The following ADGRL4 variants were observed in gnomAD, a reference collection of about 807,000 sequenced individuals.
ADGRL4 encodes adhesion G protein-coupled receptor L4.
ADGRL4 carries 90 observed loss-of-function variants against 74.8 expected under a neutral mutation model. That is an observed-to-expected ratio of 1.20 (90% CI 1.02 to 1.43). ADGRL4 has a LOEUF of 1.43. ADGRL4 is among the 40% of genes most tolerant of loss of function. ADGRL4 has a pLI of 0.00. For missense variants in ADGRL4, 881 were observed against 814.3 expected, an observed-to-expected ratio of 1.08 and a Z score of -1.00; for synonymous variants, 311 against 279.2, an observed-to-expected ratio of 1.11 and a Z score of -1.14.
At chr1:78,926,056 A>G (rs1470073310) in intron 8 of ADGRL4, among the ~76,000 whole-genome samples, 1 of 151,910 alleles carries the variant, frequency 6.6e-6, no homozygotes, top group Non-Finnish European at 1.5e-5. Context: ...GTTTCTCTCT[A>G]CCTTCAATGT....
intron 2 of ADGRL4, among the ~76,000 whole-genome samples, chr1:78,968,285 T>C (rs1226929651): frequency 2.0e-5 from 3 of 151,908 alleles, no homozygotes; most frequent in East Asian, 3.9e-4. Context: ...GTTATAGAAA[T>C]AGAAACAAAC....
chr1:78,898,783 TA>T (rs1367838623), intron 12 of ADGRL4, among the ~76,000 whole-genome samples: 3 of 152,192 alleles, frequency 2.0e-5, no homozygotes, highest in Admixed American at 2.0e-4. Context: ...ACCTGTTTCT[TA>T]AATTCAGATA....
chr1:78,927,885 T>C (rs1402390439), intron 7 of ADGRL4, among the ~76,000 whole-genome samples: 1 of 152,170 alleles, frequency 6.6e-6, no homozygotes, highest in African/African-American at 2.4e-5. Context: ...TCAAGAGACA[T>C]TGTTAAGAGC....
chr1:78,973,815 T>C (rs1026508353), intron 2 of ADGRL4, among the ~76,000 whole-genome samples: 1 of 152,030 alleles, frequency 6.6e-6, no homozygotes, highest in Admixed American at 6.6e-5. Flanking sequence ...TCTTTTCTTA[T>C]ATACTCTTGT....
chr1:78,937,847 G>A lies in ADGRL4; in HGVS notation c.720C>T (p.Phe240=). ...TTGTATCAAACTCTGTGGTCTTTTG[G>A]AAGCTCTGGGATATCCTTAAAGTAG... ...EQATLRISQS[F]QKTTEFDTNS... Residue 240 remains phenylalanine, a synonymous_variant, in exon 6 of 15, where the codon TTC becomes TTT. Coordinates refer to ENST00000370742, the MANE Select transcript of ADGRL4 (RefSeq NM_022159.4). 6.2e-7 allele frequency: 1 copy of A among 1,613,194 alleles called. No individual in the cohort carries two copies. Among genetic ancestry groups the A allele is most frequent in the Non-Finnish European group, 8.5e-7 (1 of 1,179,748 alleles).
At chr1:78,997,720 A>G (rs993183919) in intron 2 of ADGRL4, among the ~76,000 whole-genome samples, 7 of 152,092 alleles carry the variant, frequency 4.6e-5, no homozygotes, top group African/African-American at 1.7e-4. Flanking sequence ...CTTTTCCTCA[A>G]TGACTGGACT....
intron 7 of ADGRL4, among the ~76,000 whole-genome samples, chr1:78,929,398 C>G (rs1649193627): frequency 6.6e-6 from 1 of 151,078 alleles, no homozygotes; most frequent in South Asian, 2.1e-4. Context: ...TTCTTTGGTC[C>G]CAGCTACTTG....
chr1:78,990,365 G>T (rs1427102125), intron 2 of ADGRL4, among the ~76,000 whole-genome samples: 2 of 151,800 alleles, frequency 1.3e-5, no homozygotes, highest in African/African-American at 4.8e-5. Flanking sequence ...TAAGTCCCCT[G>T]TTCACAATTT....
At chr1:78,958,422 G>A (rs1649877057) in intron 2 of ADGRL4, among the ~76,000 whole-genome samples, 1 of 152,154 alleles carries the variant, frequency 6.6e-6, no homozygotes, top group African/African-American at 2.4e-5. Flanking sequence ...CATGGGAGGA[G>A]GTGAAGATAT....
intron 2 of ADGRL4, among the ~76,000 whole-genome samples, chr1:78,999,375 A>G (rs548263672): frequency 6.6e-6 from 1 of 152,322 alleles, no homozygotes; most frequent in African/African-American, 2.4e-5. Flanking sequence ...AGCAGCAGGA[A>G]TTAAAATGTA....
chr1:78,892,677 C>T (rs1221837945), intron 13 of ADGRL4, among the ~76,000 whole-genome samples: 1 of 152,060 alleles, frequency 6.6e-6, no homozygotes, highest in African/African-American at 2.4e-5. Flanking sequence ...TATAATTCAG[C>T]TCTTCCTGAA....
chr1:78,967,656 C>G (rs1557515523), intron 2 of ADGRL4, among the ~76,000 whole-genome samples: 1 of 152,080 alleles, frequency 6.6e-6, no homozygotes, highest in Non-Finnish European at 1.5e-5. Context: ...AAGAGGTTCT[C>G]TGTGTGAACA....
intron 12 of ADGRL4, among the ~76,000 whole-genome samples, chr1:78,895,704 G>A (rs936125082): frequency 1.3e-5 from 2 of 152,014 alleles, no homozygotes; most frequent in African/African-American, 4.8e-5. Flanking sequence ...GATAAAGATG[G>A]CTGGAGTATA....
At chr1:78,956,244 C>T (rs1242816156) in intron 2 of ADGRL4, among the ~76,000 whole-genome samples, 1 of 152,144 alleles carries the variant, frequency 6.6e-6, no homozygotes, top group Non-Finnish European at 1.5e-5. Flanking sequence ...TGGTATAGCG[C>T]TGTAAACTTA....
chr1:78,960,156 T>A (rs1557513215), intron 2 of ADGRL4, among the ~76,000 whole-genome samples: 1 of 152,150 alleles, frequency 6.6e-6, no homozygotes, highest in Non-Finnish European at 1.5e-5. Flanking sequence ...AATGCTTACA[T>A]AAAAGCATAT....
At chr1:78,919,530 G>A (rs1308626997) in intron 10 of ADGRL4, among the ~76,000 whole-genome samples, 1 of 151,874 alleles carries the variant, frequency 6.6e-6, no homozygotes, top group Admixed American at 6.6e-5. Flanking sequence ...TGTGTGGAAT[G>A]CTTTTGCCCA....
intron 2 of ADGRL4, among the ~76,000 whole-genome samples, chr1:78,983,742 A>C (rs1437247763): frequency 6.6e-6 from 1 of 151,882 alleles, no homozygotes; most frequent in East Asian, 1.9e-4. Flanking sequence ...GGCAAGATTA[A>C]TGAAAATAAC....
chr1:78,895,747 T>C (rs1024187915), intron 12 of ADGRL4, among the ~76,000 whole-genome samples: 15 of 151,880 alleles, frequency 9.9e-5, no homozygotes, highest in African/African-American at 3.6e-4. Context: ...TGACATGAGT[T>C]GGGTGAGGAG....
At chr1:78,950,382 C>T (rs1649698310) in intron 2 of ADGRL4, among the ~76,000 whole-genome samples, 2 of 151,950 alleles carry the variant, frequency 1.3e-5, no homozygotes, top group Admixed American at 1.3e-4. Flanking sequence ...TGGCTGAAAC[C>T]GAGAAAACGC....
Sources: gnomAD v4.1 joint callset for allele counts (sites outside exome capture counted in the v4.1 genomes callset) on GRCh38, gnomAD v4.1.1 for gene constraint, MANE v1.5 for transcripts, NCBI Gene and HGNC (gene_info 2026-07-23, HGNC 2026-07-21) for gene names.